GALNT10: variants seen among roughly 807,000 people sequenced by gnomAD.
GALNT10 encodes the protein GalNAc transferase 10.
A neutral mutation model predicts 75.0 loss-of-function variants in GALNT10; 41 were observed. That is an observed-to-expected ratio of 0.55 (90% CI 0.43 to 0.71). The LOEUF is 0.71. Among genes scored for constraint, GALNT10 ranks in the 30% least tolerant of loss-of-function variants. GALNT10 has a pLI of 0.00. For synonymous variants in GALNT10, 302 were observed against 313.0 expected (o/e 0.96, Z 0.37); for missense variants, 727 against 818.5 (o/e 0.89, Z 1.36).
chr5:154,332,102 C>T (rs59615519), intron 4 of GALNT10, among the ~76,000 whole-genome samples: 6,223 of 152,268 alleles, frequency 0.041, 316 homozygotes, highest in African/African-American at 0.12. Context: ...CTCCCAGCCT[C>T]ATCCTTCTCC....
At chr5:154,295,170 A>T (rs919495631) in intron 2 of GALNT10, among the ~76,000 whole-genome samples, 16 of 152,188 alleles carry the variant, frequency 1.1e-4, no homozygotes, top group African/African-American at 3.9e-4. Flanking sequence ...TTTGCCTGCC[A>T]CCTTTATTGG....
At chr5:154,315,655 C>A (rs1194708146) in intron 3 of GALNT10, among the ~76,000 whole-genome samples, 3 of 152,218 alleles carry the variant, frequency 2.0e-5, no homozygotes, top group Non-Finnish European at 4.4e-5. Context: ...ATTGGCGGCC[C>A]TGAGTCAGAG....
At chr5:154,279,676 G>C (rs778519369) in intron 1 of GALNT10, among the ~76,000 whole-genome samples, 3 of 151,926 alleles carry the variant, frequency 2.0e-5, no homozygotes, top group Non-Finnish European at 4.4e-5. Flanking sequence ...AAACTCCTAG[G>C]CTCAAGCAAT....
chr5:154,415,909 A>C lies in GALNT10; in HGVS notation c.1630A>C (p.Asn544His). ...GTACGACTGCCACAGCATGAAGGGC[A>C]ACCAGCTGTGGAAATACCGCAAAGT... is the stretch of plus-strand genomic sequence containing the variant. ...TLYDCHSMKG[N>H]QLWKYRKDKT... Residue 544 changes from asparagine to histidine, a missense_variant, in exon 11 of 12, where the codon AAC (asparagine) becomes CAC (histidine). Physicochemically the swap from Asn to His is moderately conservative, Grantham distance 68 (BLOSUM62 1). Transcript: ENST00000297107. 1 of 1,614,132 alleles carries C rather than the reference A, an allele frequency of 6.2e-7. No homozygotes were observed. The highest frequency in any genetic ancestry group is 8.5e-7 in the Non-Finnish European group (1 of 1,179,994).
In GALNT10 at chr5:154,417,142, C is replaced by A; in HGVS notation, c.*170C>A. On this transcript the variant is annotated 3_prime_UTR_variant, in exon 12 of 12. Transcript: ENST00000297107. ...GCTGGGGTCTGCCTGGTCCTTGAGC[C>A]CCTGAGTTGTGGGGGTAGGGTGAAG... 1 of 619,940 alleles carries A rather than the reference C, an allele frequency of 1.6e-6. No homozygotes were observed. The highest frequency in any genetic ancestry group is 1.8e-5 in the African/African-American group (1 of 54,492). The allele number at this position is 619,940 out of a possible 1,614,324, so 38.4% of individuals were successfully genotyped here.
At chr5:154,393,363 C>T (rs547923467) in intron 7 of GALNT10, among the ~76,000 whole-genome samples, 122 of 152,254 alleles carry the variant, frequency 8.0e-4, no homozygotes, top group South Asian at 7.7e-3. Context: ...TATGAGCCAC[C>T]GCGCCCAGCC....
chr5:154,329,841 C>G, intron 4 of GALNT10, 103 bp downstream of exon 4: 1 of 733,988 alleles, frequency 1.4e-6, no homozygotes, highest in Admixed American at 2.4e-5. Flanking sequence ...ACATATAGGC[C>G]ATCATTGGCT....
intron 1 of GALNT10, among the ~76,000 whole-genome samples, chr5:154,221,338 A>G (rs1477548029): frequency 1.3e-5 from 2 of 152,186 alleles, no homozygotes; most frequent in East Asian, 1.9e-4. Context: ...CATCCTTCCT[A>G]TATGACTGGA....
At chr5:154,367,726 C>T (rs951762821) in intron 4 of GALNT10, among the ~76,000 whole-genome samples, 2 of 151,818 alleles carry the variant, frequency 1.3e-5, no homozygotes, top group Admixed American at 6.6e-5. Flanking sequence ...GGAGTGGTGG[C>T]GGGCACCTGT....
intron 4 of GALNT10, among the ~76,000 whole-genome samples, chr5:154,351,827 C>T (rs974445232): frequency 4.6e-5 from 7 of 152,202 alleles, no homozygotes; most frequent in African/African-American, 1.7e-4. Flanking sequence ...AGGTTACACA[C>T]CTAAGTAGAG....
Position 154,190,991 on chromosome 5 carries a change from G to C in GALNT10, c.125G>C (p.Gly42Ala). ...CGGCAGCCCGACGGCACCCCTGGGG[G>C]ATCGGGGGCGGCGGTGGCGCCGGCG... ...RERQPDGTPG[G>A]SGAAVAPAAG... Residue 42 changes from glycine to alanine, a missense_variant, in exon 1 of 12, where the codon GGA (glycine) becomes GCA (alanine). By Grantham distance (60) the Gly-to-Ala change is moderately conservative (BLOSUM62 0). Coordinates refer to ENST00000297107, the MANE Select transcript of GALNT10 (RefSeq NM_198321.4). The C allele has an allele frequency of 1.3e-6, 2 of 1,496,022 alleles. No homozygotes were observed. The highest frequency in any genetic ancestry group is 1.8e-6 in the Non-Finnish European group (2 of 1,122,180). 92.7% of individuals were successfully genotyped at this position (1,496,022 alleles called of 1,614,324 possible).
At chr5:154,202,363 G>A (rs1318640572) in intron 1 of GALNT10, among the ~76,000 whole-genome samples, 10 of 152,302 alleles carry the variant, frequency 6.6e-5, no homozygotes, top group Middle Eastern at 3.4e-3. Flanking sequence ...GTGGCCAGGA[G>A]TTAGCTTTGT....
intron 9 of GALNT10, among the ~76,000 whole-genome samples, chr5:154,411,334 C>T (rs548809294): frequency 1.1e-4 from 16 of 152,306 alleles, no homozygotes; most frequent in African/African-American, 3.6e-4. Flanking sequence ...TTCAGGCTGA[C>T]CAACCCCTAC....
At chr5:154,386,098 G>A (rs920908275) in intron 6 of GALNT10, among the ~76,000 whole-genome samples, 5 of 152,172 alleles carry the variant, frequency 3.3e-5, no homozygotes, top group Non-Finnish European at 5.9e-5. Flanking sequence ...AAGGAACTTC[G>A]GGTCCCATTT....
chr5:154,208,354 C>A (rs1273138736), intron 1 of GALNT10, among the ~76,000 whole-genome samples: 21 of 152,166 alleles, frequency 1.4e-4, no homozygotes, highest in Non-Finnish European at 1.5e-5. Flanking sequence ...GGCTTCCTGG[C>A]CGCCACCTCT....
At chr5:154,242,763 C>G (rs1039854900) in intron 1 of GALNT10, among the ~76,000 whole-genome samples, 1 of 152,206 alleles carries the variant, frequency 6.6e-6, no homozygotes, top group Non-Finnish European at 1.5e-5. Flanking sequence ...AGCTCCTACC[C>G]TCAACCCAGA....
intron 4 of GALNT10, among the ~76,000 whole-genome samples, chr5:154,374,091 C>A (rs1444217457): frequency 6.6e-6 from 1 of 152,116 alleles, no homozygotes; most frequent in Non-Finnish European, 1.5e-5. Context: ...CCTGACCAAA[C>A]AGCAGCATAT....
At chr5:154,283,912 A>T (rs1351230155) in intron 1 of GALNT10, among the ~76,000 whole-genome samples, 1 of 152,210 alleles carries the variant, frequency 6.6e-6, no homozygotes, top group East Asian at 1.9e-4. Flanking sequence ...ATGCCAGCTG[A>T]TGGGTAAGCG....
chr5:154,413,012 G>C lies in GALNT10; in HGVS notation c.1503+7G>C. The C allele has an allele frequency of 1.3e-6, 2 of 1,573,408 alleles. No individual in the cohort carries two copies. The highest frequency in any genetic ancestry group is 1.3e-5 in the African/African-American group (1 of 74,266). On this transcript the variant is annotated splice_region_variant and intron_variant, in intron 10 of 11. Transcript: ENST00000297107. Reference sequence around the variant, plus strand: ...TGCCTGGAACAACATGCAGGTAAGGGCCGCCCCTCAGGGACTGGCAGCCAG... The same window carrying C: ...TGCCTGGAACAACATGCAGGTAAGGCCCGCCCCTCAGGGACTGGCAGCCAG...
Sources: gnomAD v4.1 joint callset for allele counts (sites outside exome capture counted in the v4.1 genomes callset) on GRCh38, gnomAD v4.1.1 for gene constraint, MANE v1.5 for transcripts, NCBI Gene and HGNC (gene_info 2026-07-23, HGNC 2026-07-21) for gene names.